The following TAS2R1 variants were observed in gnomAD, a reference collection of about 807,000 sequenced individuals.
TAS2R1 encodes taste receptor type 2 member 1.
For missense variants in TAS2R1, 370 were observed against 353.4 expected (o/e 1.05, Z -0.38); for synonymous variants, 141 against 134.2 (o/e 1.05, Z -0.35).
At chr5:9,679,223 C>G (rs550649306) in intron 1 of TAS2R1, among the ~76,000 whole-genome samples, 14 of 152,048 alleles carry the variant, frequency 9.2e-5, no homozygotes, top group African/African-American at 3.1e-4. Flanking sequence ...GGATAATGGG[C>G]GAAGCACAGG....
At chr5:9,844,950 A>C in the TAS2R1 span, among the ~76,000 whole-genome samples, 1 of 151,946 alleles carries the variant, frequency 6.6e-6, no homozygotes, top group Non-Finnish European at 1.5e-5. Context: ...AATTTTTTAC[A>C]CTCCTTATTG....
the TAS2R1 span, among the ~76,000 whole-genome samples, chr5:9,866,978 G>A: frequency 6.6e-6 from 1 of 152,106 alleles, no homozygotes; most frequent in African/African-American, 2.4e-5. Context: ...AAACCACGTG[G>A]TCAGCCAAAA....
chr5:9,822,442 C>T, the TAS2R1 span, among the ~76,000 whole-genome samples: 340 of 150,770 alleles, frequency 2.3e-3, 1 homozygote, highest in Non-Finnish European at 1.2e-3. Context: ...CTCCACCTCC[C>T]GGATTCAAGC....
At chr5:9,731,436 T>C in the TAS2R1 span, among the ~76,000 whole-genome samples, 1 of 149,892 alleles carries the variant, frequency 6.7e-6, no homozygotes, top group Non-Finnish European at 1.5e-5. Flanking sequence ...ATATGGCCCA[T>C]GAGGCCCCCT....
At chr5:9,860,917 C>A in the TAS2R1 span, among the ~76,000 whole-genome samples, 2 of 151,784 alleles carry the variant, frequency 1.3e-5, no homozygotes, top group African/African-American at 2.4e-5. Context: ...TAAGCAGCAG[C>A]CCCTCAAGAA....
At chr5:9,802,857 C>A in the TAS2R1 span, among the ~76,000 whole-genome samples, 1 of 152,036 alleles carries the variant, frequency 6.6e-6, no homozygotes, top group Non-Finnish European at 1.5e-5. Context: ...GAGCCGAGAT[C>A]GCGCCACTGC....
At chr5:9,874,115 T>A in the TAS2R1 span, among the ~76,000 whole-genome samples, 1 of 152,104 alleles carries the variant, frequency 6.6e-6, no homozygotes, top group Admixed American at 6.5e-5. Context: ...ATTGAAAAAA[T>A]TATTGCAAAA....
the TAS2R1 span, among the ~76,000 whole-genome samples, chr5:9,821,840 C>T: frequency 1.3e-5 from 2 of 152,160 alleles, no homozygotes; most frequent in Non-Finnish European, 2.9e-5. Flanking sequence ...GCTCTTTCTC[C>T]GTTAATTTCT....
At chr5:9,687,822 C>T (rs1376235578) in intron 1 of TAS2R1, among the ~76,000 whole-genome samples, 2 of 152,166 alleles carry the variant, frequency 1.3e-5, no homozygotes, top group Non-Finnish European at 1.5e-5. Flanking sequence ...TCTTCATTTC[C>T]CTTTCCCATA....
the TAS2R1 span, among the ~76,000 whole-genome samples, chr5:9,736,972 T>G: frequency 6.6e-6 from 1 of 152,164 alleles, no homozygotes; most frequent in African/African-American, 2.4e-5. Context: ...ATTTGGCACT[T>G]TATTTAACTC....
chr5:9,667,668 C>T (rs1024508813), intron 1 of TAS2R1, among the ~76,000 whole-genome samples: 1 of 152,126 alleles, frequency 6.6e-6, no homozygotes, highest in African/African-American at 2.4e-5. Flanking sequence ...AAGAGGGCTC[C>T]TCCAAGACCC....
At chr5:9,646,875 C>T (rs1740199179) in intron 2 of TAS2R1, among the ~76,000 whole-genome samples, 1 of 152,186 alleles carries the variant, frequency 6.6e-6, no homozygotes, top group South Asian at 2.1e-4. Flanking sequence ...GCTCTAGAAA[C>T]AGCTGCTGAA....
chr5:9,788,474 C>T, the TAS2R1 span, among the ~76,000 whole-genome samples: 1 of 152,140 alleles, frequency 6.6e-6, no homozygotes, highest in African/African-American at 2.4e-5. Context: ...TGTCACTCAC[C>T]ACCTCTGGGC....
intron 2 of TAS2R1, among the ~76,000 whole-genome samples, chr5:9,643,490 G>C (rs1740126404): frequency 6.6e-6 from 1 of 152,104 alleles, no homozygotes; most frequent in Non-Finnish European, 1.5e-5. Context: ...GTTGCTCTGG[G>C]TAAGTCAGTG....
chr5:9,750,991 G>A, the TAS2R1 span, among the ~76,000 whole-genome samples: 1 of 151,700 alleles, frequency 6.6e-6, no homozygotes, highest in Non-Finnish European at 1.5e-5. Flanking sequence ...ACAACCAGAG[G>A]TAGGTGTAAT....
chr5:9,662,808 G>C (rs1335335890), intron 1 of TAS2R1, among the ~76,000 whole-genome samples: 5 of 152,164 alleles, frequency 3.3e-5, no homozygotes, highest in African/African-American at 1.2e-4. Flanking sequence ...AAGAAATTTT[G>C]TTAAGAATAC....
chr5:9,796,907 C>G, the TAS2R1 span, among the ~76,000 whole-genome samples: 3 of 152,166 alleles, frequency 2.0e-5, no homozygotes, highest in Admixed American at 6.5e-5. Flanking sequence ...ATAACTACCC[C>G]CTGCTAACCC....
the TAS2R1 span, among the ~76,000 whole-genome samples, chr5:9,774,011 C>T: frequency 3.3e-5 from 5 of 152,102 alleles, no homozygotes; most frequent in Admixed American, 1.3e-4. Context: ...ACTTTCTACC[C>T]CTATCTCTTT....
chr5:9,629,288 A>G lies in TAS2R1; in HGVS notation c.745T>C (p.Ser249Pro). The G allele has an allele frequency of 6.2e-7, 1 of 1,613,952 alleles. No individual in the cohort carries two copies. Among genetic ancestry groups the G allele is most frequent in the Non-Finnish European group, 8.5e-7 (1 of 1,179,958 alleles). The change falls in exon 1 of 1, where the codon TCT becomes CCT. Residue 249 changes from serine to proline, a missense_variant. Transcript: ENST00000382492. ...SHCMIKVFLS[S>P]LKFHIRRFIF... Reference sequence around the variant, plus strand: ...AACCTTCTGATGTGAAACTTTAGAGAAGAGAGAAAAACTTTTATCATGCAG... The same window carrying G: ...AACCTTCTGATGTGAAACTTTAGAGGAGAGAGAAAAACTTTTATCATGCAG...
Sources: gnomAD v4.1 joint callset for allele counts (sites outside exome capture counted in the v4.1 genomes callset) on GRCh38, gnomAD v4.1.1 for gene constraint, MANE v1.5 for transcripts, NCBI Gene and HGNC (gene_info 2026-07-23, HGNC 2026-07-21) for gene names.